TP53BP1: variants seen among roughly 807,000 people sequenced by gnomAD.
The protein encoded by TP53BP1 is TP53-binding protein 1.
TP53BP1 carries 61 observed loss-of-function variants against 200.8 expected under a neutral mutation model. The ratio of observed to expected loss-of-function variants is 0.30; its 90% CI spans 0.25 to 0.38. The LOEUF is 0.38. Among genes scored for constraint, TP53BP1 ranks in the 10% least tolerant of loss-of-function variants. TP53BP1 has a pLI of 1.00. For missense variants in TP53BP1, 2,144 were observed against 2,371.9 expected (o/e 0.90, Z 2.00); for synonymous variants, 822 against 844.3 (o/e 0.97, Z 0.46).
At position 43,407,356 on chromosome 15, in the gene TP53BP1, G is replaced by A; in HGVS notation, c.*27C>T. On this transcript the variant is annotated 3_prime_UTR_variant, in exon 28 of 28. Transcript: ENST00000382044. ...AAAACACAATCTCCACGATAGCAGG[G>A]AATAAAACCAGTAAGACCAAGTATC... 6.2e-7 allele frequency: 1 copy of A among 1,605,286 alleles called. No individual in the cohort carries two copies. The highest frequency in any genetic ancestry group is 2.2e-5 in the East Asian group (1 of 44,810).
intron 24 of TP53BP1, among the ~76,000 whole-genome samples, chr15:43,410,555 T>TG (rs1555398707): frequency 2.1e-5 from 3 of 142,664 alleles, no homozygotes; most frequent in African/African-American, 7.7e-5. Context: ...AATAACACAT[T>TG]AAAAAAAAAA....
At chr15:43,471,492 C>T (rs2046724861) in intron 10 of TP53BP1, among the ~76,000 whole-genome samples, 1 of 151,942 alleles carries the variant, frequency 6.6e-6, no homozygotes, top group African/African-American at 2.4e-5. Context: ...AGTGGTGCCA[C>T]CTTGGCTCAC....
Position 43,403,564 on chromosome 15 carries a change from C to G in TP53BP1, c.*3819G>C. On this transcript the variant is annotated 3_prime_UTR_variant, in exon 28 of 28. Transcript: ENST00000382044. ...TTGCACGTGGCAGTGTCTATCCTGTCAGATTTGGGAGGTCAGCTATTAATT... is the reference window on the plus strand; with the variant it reads ...TTGCACGTGGCAGTGTCTATCCTGTGAGATTTGGGAGGTCAGCTATTAATT... 1.3e-6 allele frequency: 1 copy of G among 749,892 alleles called. No individual in the cohort carries two copies. Among genetic ancestry groups the G allele is most frequent in the South Asian group, 1.8e-5 (1 of 55,280 alleles). 46.5% of individuals were successfully genotyped at this position (749,892 alleles called of 1,614,324 possible).
chr15:43,506,013 C>T (rs1662149160), intron 1 of TP53BP1, among the ~76,000 whole-genome samples: 1 of 152,170 alleles, frequency 6.6e-6, no homozygotes, highest in Admixed American at 6.5e-5. Flanking sequence ...CCATGCAATC[C>T]AGCAGAGCAG....
chr15:43,507,047 C>T (rs1298518838), intron 1 of TP53BP1, among the ~76,000 whole-genome samples: 6 of 152,196 alleles, frequency 3.9e-5, no homozygotes, highest in South Asian at 2.1e-4. Flanking sequence ...GCCACTTACT[C>T]GAGCCCACTC....
At chr15:43,460,564 T>C (rs1022590463) in intron 11 of TP53BP1, among the ~76,000 whole-genome samples, 1 of 152,166 alleles carries the variant, frequency 6.6e-6, no homozygotes, top group Non-Finnish European at 1.5e-5. Context: ...CAGGCTTTTT[T>C]TCCTATGATT....
intron 23 of TP53BP1, among the ~76,000 whole-genome samples, chr15:43,413,625 T>C (rs983988266): frequency 3.9e-5 from 6 of 152,242 alleles, no homozygotes; most frequent in African/African-American, 7.2e-5. Context: ...TGTTTTCATA[T>C]AGCCACACCA....
At chr15:43,493,553 G>T (rs942150026), upstream of TP53BP1, among the ~76,000 whole-genome samples, 1 of 112,012 alleles carries the variant, frequency 8.9e-6, no homozygotes, top group Non-Finnish European at 1.6e-5. Flanking sequence ...AGAAGAAGCG[G>T]CTTGAGGATG....
At chr15:43,445,917 A>T (rs976495138) in intron 14 of TP53BP1, among the ~76,000 whole-genome samples, 2 of 152,168 alleles carry the variant, frequency 1.3e-5, no homozygotes, top group Admixed American at 1.3e-4. Context: ...GCTTTTTTTT[A>T]AAGGCAAATC....
At chr15:43,441,211 T>A (rs1432441180) in intron 15 of TP53BP1, 1 of 232,872 alleles carries the variant, frequency 4.3e-6, no homozygotes, top group African/African-American at 2.3e-5. Context: ...CTTTTTCTCA[T>A]CAATTGGATC....
At chr15:43,480,866 CTA>C (rs1422114332) in intron 5 of TP53BP1, 27 bp downstream of exon 5, 2 of 1,613,050 alleles carry the variant, frequency 1.2e-6, no homozygotes, top group African/African-American at 1.3e-5. Flanking sequence ...TTAGAACAGT[CTA>C]TTATTCTGAA....
In TP53BP1 at chr15:43,420,776, G is replaced by C. The variant is rs757896949; in HGVS notation, c.4251-41C>G. 1.5e-5 allele frequency: 23 copies of C among 1,550,502 alleles called. No individual in the cohort carries two copies. The Admixed American group carries it at 3.5e-4, about 24-fold the overall frequency. On this transcript the variant is annotated intron_variant, in intron 20 of 27. Transcript: ENST00000382044. ...GGATAGGAGAAGCCGGTGAGAACAA[G>C]AACACAGAAGTATATATCTACCAAT...
intron 17 of TP53BP1, among the ~76,000 whole-genome samples, chr15:43,429,196 G>C (rs371524488): frequency 1.1e-4 from 16 of 151,984 alleles, no homozygotes; most frequent in African/African-American, 1.9e-4. Flanking sequence ...TAACTTCTTA[G>C]CAAATTAGGT....
At chr15:43,509,449 C>T (rs1367777462) in intron 1 of TP53BP1, among the ~76,000 whole-genome samples, 1 of 152,184 alleles carries the variant, frequency 6.6e-6, no homozygotes, top group Non-Finnish European at 1.5e-5. Context: ...CACTCTGTCA[C>T]TCAGGCTGGA....
At chr15:43,441,432 T>G (rs532238261) in intron 15 of TP53BP1, 94 bp downstream of exon 15, 1 of 840,954 alleles carries the variant, frequency 1.2e-6, no homozygotes, top group Non-Finnish European at 2.0e-6. Flanking sequence ...ATTTTAACTT[T>G]CTCATTTTAA....
chr15:43,411,943 AC>A (rs1471869155), intron 24 of TP53BP1, among the ~76,000 whole-genome samples: 1 of 152,164 alleles, frequency 6.6e-6, no homozygotes, highest in Non-Finnish European at 1.5e-5. Context: ...AAAACCCATG[AC>A]CATGACCACT....
intron 13 of TP53BP1, 130 bp from the exon 14 acceptor site, chr15:43,446,720 T>C: frequency 6.6e-7 from 1 of 1,524,082 alleles, no homozygotes; most frequent in South Asian, 1.3e-5. Context: ...GTTCCTAGGA[T>C]AGATCCCTGT....
rs1361008631 is a variant in TP53BP1 at position 43,408,064 on chromosome 15, C to T, written c.5625G>A (p.Gln1875=). ...CTGATACCAAGAGTACCTTCAGATT[C>T]TGGAAAGGATTTTCACGGGGTTGCC... is the stretch of plus-strand genomic sequence containing the variant. The part of the protein sequence containing the change: ...LDWQPRENPF[Q]NLKVLLVSDQ... The change falls in exon 27 of 28, where the codon CAG becomes CAA. Residue 1875 remains glutamine, a synonymous_variant. Coordinates refer to ENST00000382044, the MANE Select transcript of TP53BP1 (RefSeq NM_001141980.3). 6.2e-7 allele frequency: 1 copy of T among 1,613,954 alleles called. No individual in the cohort carries two copies. The highest frequency in any genetic ancestry group is 1.3e-5 in the African/African-American group (1 of 74,930).
At position 43,477,603 on chromosome 15, in the gene TP53BP1, G is replaced by C. The variant is rs1463218555; in HGVS notation, c.945C>G (p.Ser315Arg). Residue 315 changes from serine to arginine, a missense_variant, in exon 8 of 28, where the codon AGC becomes AGG. Coordinates refer to ENST00000382044, the MANE Select transcript of TP53BP1 (RefSeq NM_001141980.3). ...LSTQEDLFDQ[S>R]NKTVSSDGCS... ...AATCACTCTTGGTACCTGTTTTATT[G>C]CTCTGGTCAAACAAGTCTTCCTGAG... 1 of 1,609,988 alleles carries C rather than the reference G, an allele frequency of 6.2e-7. No individual in the cohort carries two copies. The highest frequency in any genetic ancestry group is 8.5e-7 in the Non-Finnish European group (1 of 1,178,812).
Sources: allele counts gnomAD v4.1 joint callset (sites outside exome capture counted in the v4.1 genomes callset), GRCh38; gene constraint gnomAD v4.1.1; transcripts MANE v1.5; gene names NCBI Gene and HGNC (gene_info 2026-07-23, HGNC 2026-07-21).